Variants in HMGN3 observed in about 807,000 individuals in gnomAD.
HMGN3 encodes the protein high mobility group nucleosomal binding domain 3.
Under a neutral mutation model 18.8 loss-of-function variants are expected in HMGN3, and 6 were observed. That is an observed-to-expected ratio of 0.32 (90% CI 0.18 to 0.63). The LOEUF (loss-of-function observed/expected upper bound fraction) is 0.63. Ranked by LOEUF, HMGN3 falls within the 30% of genes least tolerant of loss-of-function variation. HMGN3 has a pLI of 0.79. For missense variants in HMGN3, 107 were observed against 114.2 expected, an observed-to-expected ratio of 0.94 and a Z score of 0.29; for synonymous variants, 40 against 36.5, an observed-to-expected ratio of 1.10 and a Z score of -0.35.
intron 1 of HMGN3, among the ~76,000 whole-genome samples, chr6:79,224,219 T>TC (rs1777448877): frequency 6.6e-6 from 1 of 152,184 alleles, no homozygotes; most frequent in African/African-American, 2.4e-5. Flanking sequence ...GAGCTGGAAT[T>TC]CAGCTCTTCT....
chr6:79,226,135 C>G (rs1266910733), intron 1 of HMGN3, among the ~76,000 whole-genome samples: 1 of 152,212 alleles, frequency 6.6e-6, no homozygotes, highest in East Asian at 1.9e-4. Context: ...GGTTAGAATG[C>G]TGGTTCTATC....
At chr6:79,230,325 G>C (rs1777778391) in intron 1 of HMGN3, among the ~76,000 whole-genome samples, 1 of 152,200 alleles carries the variant, frequency 6.6e-6, no homozygotes, top group Admixed American at 6.5e-5. Context: ...TTTGTGGAAT[G>C]ATGGAAATGT....
intron 2 of HMGN3, among the ~76,000 whole-genome samples, chr6:79,210,551 T>C (rs184745402): frequency 1.3e-5 from 2 of 152,206 alleles, no homozygotes; most frequent in East Asian, 1.9e-4. Flanking sequence ...ATGGCTCCAA[T>C]ATGTAGCAGG....
chr6:79,215,768 A>G (rs916813908), intron 1 of HMGN3, among the ~76,000 whole-genome samples: 1 of 152,206 alleles, frequency 6.6e-6, no homozygotes, highest in Non-Finnish European at 1.5e-5. Context: ...CTTTGGATTT[A>G]TTGGACACTG....
At chr6:79,228,527 T>C (rs1263301699) in intron 1 of HMGN3, among the ~76,000 whole-genome samples, 1 of 152,224 alleles carries the variant, frequency 6.6e-6, no homozygotes, top group African/African-American at 2.4e-5. Flanking sequence ...AACTGATTTA[T>C]AGATTCAATT....
chr6:79,234,628 T>G (rs1778057682), exon 1 of HMGN3: 5 of 1,500,772 alleles, frequency 3.3e-6, no homozygotes, highest in Admixed American at 1.7e-5. Context: ...CGCTGGATGC[T>G]GCCTCTGCCT....
At chr6:79,208,938 T>G (rs771734997) in intron 2 of HMGN3, among the ~76,000 whole-genome samples, 2 of 152,236 alleles carry the variant, frequency 1.3e-5, no homozygotes, top group Admixed American at 6.5e-5. Context: ...TAAGAGCTAG[T>G]CTTCAGTCTG....
At chr6:79,222,156 A>ATG (rs1460830583) in intron 1 of HMGN3, among the ~76,000 whole-genome samples, 1 of 152,226 alleles carries the variant, frequency 6.6e-6, no homozygotes, top group Non-Finnish European at 1.5e-5. Context: ...TGGTATATAT[A>ATG]ACAGTGCAAA....
rs575145121 is a variant in HMGN3, at chr6:79,210,233, T to A, written c.67-1657A>T. On this transcript the variant is annotated intron_variant, in intron 2 of 5. Coordinates refer to ENST00000344726, the Ensembl canonical transcript of HMGN3. ...AAACCGGGCAATAAGAGGTATCTTG[T>A]GTTTTTTTAATGTACTTTCTGAGCA... Among the ~76,000 whole-genome samples the A allele has an allele frequency of 5.3e-5, 8 of 152,236 alleles. No homozygotes were observed. In the South Asian group the frequency reaches 1.7e-3, roughly 32 times the overall value.
At chr6:79,219,547 T>C (rs1777164646) in intron 1 of HMGN3, among the ~76,000 whole-genome samples, 1 of 152,188 alleles carries the variant, frequency 6.6e-6, no homozygotes, top group African/African-American at 2.4e-5. Context: ...AATTAACCAC[T>C]AATCGTAAAC....
At chr6:79,234,288 C>G (rs1778028119) in intron 1 of HMGN3, 1 of 384,600 alleles carries the variant, frequency 2.6e-6, no homozygotes, top group African/African-American at 2.0e-5. Context: ...GAAAACATTC[C>G]AGCGAGAATG....
rs1418917310 is a variant in HMGN3 at position 79,214,983 on chromosome 6, T to G, written c.55A>C (p.Thr19Pro). 23 of 1,507,336 alleles carry G rather than the reference T, an allele frequency of 1.5e-5. No individual in the cohort carries two copies. Among genetic ancestry groups the G allele is most frequent in the Non-Finnish European group, 2.1e-5 (23 of 1,098,556 alleles). The allele number at this position is 1,507,336 out of a possible 1,614,324, so 93.4% of individuals were successfully genotyped here. Residue 19 changes from threonine (T) to proline (P), a missense_variant, in exon 2 of 6, where the codon ACT becomes CCT. Coordinates refer to ENST00000344726, the Ensembl canonical transcript of HMGN3. ...AAAGATATACTTACCTCCTGTTTAG[T>G]TACTTTGGATCCATCTTTGCCCTCT...
At chr6:79,216,032 A>G (rs1474582374) in intron 1 of HMGN3, among the ~76,000 whole-genome samples, 1 of 152,216 alleles carries the variant, frequency 6.6e-6, no homozygotes, top group Non-Finnish European at 1.5e-5. Flanking sequence ...GCCTCATCTG[A>G]TAAAATGAGA....
chr6:79,208,658 T>A lies in HMGN3; in HGVS notation c.67-82A>T, dbSNP rs1776538144. The A allele has an allele frequency of 2.8e-5, 29 of 1,047,470 alleles. No individual in the cohort carries two copies. In the South Asian group the frequency reaches 3.7e-4, roughly 13 times the overall value. The allele number at this position is 1,047,470 out of a possible 1,614,324, so 64.9% of individuals were successfully genotyped here. A position where few individuals can be genotyped will look rare whatever the true frequency, so the allele number is the denominator to read the frequency against. On this transcript the variant is annotated intron_variant, in intron 2 of 5. Coordinates refer to ENST00000344726, the Ensembl canonical transcript of HMGN3. ...GATTTTTAAAAATCTATTCTTAATATACCTTACTTTGTTGAATGACTATAA... is the reference window on the plus strand; with the variant it reads ...GATTTTTAAAAATCTATTCTTAATAAACCTTACTTTGTTGAATGACTATAA...
chr6:79,227,856 A>G (rs899805505), intron 1 of HMGN3, among the ~76,000 whole-genome samples: 1 of 152,210 alleles, frequency 6.6e-6, no homozygotes, highest in African/African-American at 2.4e-5. Context: ...TTGTTCTACA[A>G]ATATTTACAC....
chr6:79,231,397 C>T (rs1354445775), intron 1 of HMGN3, among the ~76,000 whole-genome samples: 1 of 152,136 alleles, frequency 6.6e-6, no homozygotes, highest in Non-Finnish European at 1.5e-5. Flanking sequence ...TCCACTCACC[C>T]ACCATCCATT....
Position 79,214,375 on chromosome 6 carries a change from A to G in HMGN3, c.66+597T>C, listed in dbSNP as rs574241178. On this transcript the variant is annotated intron_variant, in intron 2 of 5. Coordinates refer to ENST00000344726, the Ensembl canonical transcript of HMGN3. ...CACCACCACGCCTGGCTAACTTTTT[A>G]TATTTTTAGTAGAGATGGGGTTTCA... Among the ~76,000 whole-genome samples the G allele has an allele frequency of 1.8e-3, 269 of 151,584 alleles. 2 individuals are homozygous for G. The highest frequency in any genetic ancestry group is 5.7e-3 in the African/African-American group (235 of 41,380).
intron 1 of HMGN3, among the ~76,000 whole-genome samples, chr6:79,218,989 T>G (rs1405672090): frequency 1.3e-5 from 2 of 152,082 alleles, no homozygotes; most frequent in Non-Finnish European, 2.9e-5. Context: ...GGTGATGTGG[T>G]TAATTGAGAA....
intron 1 of HMGN3, among the ~76,000 whole-genome samples, chr6:79,232,710 G>A (rs532837233): frequency 6.6e-6 from 1 of 151,836 alleles, no homozygotes; most frequent in East Asian, 1.9e-4. Flanking sequence ...GGGTTCCATC[G>A]TCAGGGTCCA....
Sources: gnomAD v4.1 joint callset for allele counts (sites outside exome capture counted in the v4.1 genomes callset) on GRCh38, gnomAD v4.1.1 for gene constraint, MANE v1.5 for transcripts, NCBI Gene and HGNC (gene_info 2026-07-23, HGNC 2026-07-21) for gene names.